The following PPP2R2B variants were observed in gnomAD, a reference collection of about 807,000 sequenced individuals.
The protein encoded by PPP2R2B is protein phosphatase 2 regulatory subunit Bbeta, also known as serine/threonine-protein phosphatase 2A 55 kDa regulatory subunit B beta isoform.
Under a neutral mutation model 46.0 loss-of-function variants are expected in PPP2R2B, and 5 were observed. The observed-to-expected ratio is 0.11, with a 90% confidence interval of 0.06 to 0.23. PPP2R2B has a LOEUF of 0.23. Among genes scored for constraint, PPP2R2B ranks in the 10% least tolerant of loss-of-function variants. The pLI, the probability that PPP2R2B is intolerant of heterozygous loss-of-function variation, is 1.00. For synonymous variants in PPP2R2B, 215 were observed against 206.7 expected (o/e 1.04, Z -0.34); for missense variants, 367 against 575.0 (o/e 0.64, Z 3.70).
At chr5:146,811,721 C>T (rs1470935699) in intron 2 of PPP2R2B, among the ~76,000 whole-genome samples, 4 of 149,160 alleles carry the variant, frequency 2.7e-5, no homozygotes, top group East Asian at 2.0e-4. Context: ...CCACCACGCC[C>T]GGCTAATTTT....
intron 1 of PPP2R2B, among the ~76,000 whole-genome samples, chr5:147,035,436 A>T (rs1755990773): frequency 6.6e-6 from 1 of 152,164 alleles, no homozygotes; most frequent in South Asian, 2.1e-4. Context: ...GTGGGGACAC[A>T]CAGCCAAACC....
At chr5:147,003,854 A>G (rs1000160410) in intron 1 of PPP2R2B, among the ~76,000 whole-genome samples, 2 of 152,130 alleles carry the variant, frequency 1.3e-5, no homozygotes, top group African/African-American at 4.8e-5. Flanking sequence ...TGGCTATGGG[A>G]GGCCTTAAGA....
intron 1 of PPP2R2B, among the ~76,000 whole-genome samples, chr5:146,946,514 G>A (rs1764487671): frequency 6.6e-6 from 1 of 152,140 alleles, no homozygotes; most frequent in Non-Finnish European, 1.5e-5. Flanking sequence ...CAGCATCTCT[G>A]ATGACTGTGG....
chr5:146,772,707 T>C (rs1754945631), intron 2 of PPP2R2B, among the ~76,000 whole-genome samples: 1 of 152,186 alleles, frequency 6.6e-6, no homozygotes, highest in African/African-American at 2.4e-5. Flanking sequence ...ATGTGTCCAT[T>C]TTCCTCAACT....
chr5:147,006,067 T>C (rs886558267), intron 1 of PPP2R2B, among the ~76,000 whole-genome samples: 5 of 152,150 alleles, frequency 3.3e-5, no homozygotes, highest in Non-Finnish European at 7.4e-5. Flanking sequence ...GATCTAAATC[T>C]TAATTAATTA....
chr5:146,846,592 C>A (rs149227399), intron 2 of PPP2R2B, among the ~76,000 whole-genome samples: 1 of 151,824 alleles, frequency 6.6e-6, no homozygotes, highest in African/African-American at 2.4e-5. Context: ...GCAGGAGAAT[C>A]GCTTGAACCT....
intron 1 of PPP2R2B, among the ~76,000 whole-genome samples, chr5:146,901,740 A>G (rs1239242329): frequency 6.6e-6 from 1 of 152,208 alleles, no homozygotes; most frequent in East Asian, 1.9e-4. Flanking sequence ...ACTTGGTTAG[A>G]GTGGTCAGGA....
intron 1 of PPP2R2B, chr5:146,917,729 A>C (rs1177186626): frequency 6.6e-6 from 1 of 152,196 alleles, no homozygotes; most frequent in Non-Finnish European, 1.5e-5. Context: ...TCTTTAGTTC[A>C]ATCTTATTTC....
chr5:146,882,129 T>C (rs2151423056), upstream of PPP2R2B, among the ~76,000 whole-genome samples: 1 of 151,910 alleles, frequency 6.6e-6, no homozygotes, highest in East Asian at 1.9e-4. Context: ...TACAAAAAAT[T>C]ACCCAGGCAT....
upstream of PPP2R2B, chr5:146,878,918 G>C: frequency 8.7e-7 from 1 of 1,145,264 alleles, no homozygotes; most frequent in South Asian, 1.8e-5. This position sits in a 1 kb window ranked among gnomAD's most constrained non-coding sequence, Gnocchi z 4.5. Flanking sequence ...CACCTGGGCA[G>C]CAAGCGACTA....
intron 2 of PPP2R2B, among the ~76,000 whole-genome samples, chr5:146,741,485 G>T (rs1011925611): frequency 6.6e-6 from 1 of 152,120 alleles, no homozygotes; most frequent in Non-Finnish European, 1.5e-5. Flanking sequence ...AACACTCCCG[G>T]TGTCCTTGTA....
intron 1 of PPP2R2B, among the ~76,000 whole-genome samples, chr5:147,004,848 C>T (rs1754361068): frequency 6.6e-6 from 1 of 152,150 alleles, no homozygotes; most frequent in South Asian, 2.1e-4. Flanking sequence ...GGGACAACCC[C>T]ACAACCAGTG....
intron 5 of PPP2R2B, among the ~76,000 whole-genome samples, chr5:146,680,935 T>C (rs375749867): frequency 6.6e-6 from 1 of 152,190 alleles, no homozygotes; most frequent in African/African-American, 2.4e-5. Flanking sequence ...CCCTTGTAAG[T>C]AGTTTTCTCC....
chr5:146,794,397 A>G (rs1190902987), intron 2 of PPP2R2B, among the ~76,000 whole-genome samples: 1 of 152,208 alleles, frequency 6.6e-6, no homozygotes, highest in East Asian at 1.9e-4. Context: ...TTGTCAGTGG[A>G]GACCCAAGCT....
intron 1 of PPP2R2B, among the ~76,000 whole-genome samples, chr5:146,912,820 G>GATTCATTC (rs199653364): frequency 6.6e-6 from 1 of 151,888 alleles, no homozygotes; most frequent in African/African-American, 2.4e-5. Context: ...TTCAACTTTT[G>GATTCATTC]ATTCATTCAT....
intron 7 of PPP2R2B, among the ~76,000 whole-genome samples, chr5:146,627,674 A>C (rs1217212059): frequency 6.6e-6 from 1 of 152,194 alleles, no homozygotes; most frequent in East Asian, 1.9e-4. Flanking sequence ...TTCAAATCTT[A>C]GGTCCTCCAC....
At chr5:146,992,309 T>C (rs1241330635) in intron 1 of PPP2R2B, among the ~76,000 whole-genome samples, 2 of 152,216 alleles carry the variant, frequency 1.3e-5, no homozygotes, top group East Asian at 1.9e-4. Flanking sequence ...ACTAGACAGC[T>C]ACTTTATTTC....
rs569140032 is a variant in PPP2R2B at position 146,638,427 on chromosome 5, G to A, written c.626-12C>T. 5.7e-6 allele frequency: 9 copies of A among 1,579,374 alleles called. No individual in the cohort carries two copies. The highest frequency in any genetic ancestry group is 7.8e-6 in the Non-Finnish European group (9 of 1,154,416). ...AATGTCCACAATATCTGGCACAGAC[G>A]AGTCAAGGAAGGAACCAGGAGAAGG... On this transcript the variant is annotated splice_polypyrimidine_tract_variant and intron_variant, in intron 6 of 9. Transcript: ENST00000394411.
intron 2 of PPP2R2B, among the ~76,000 whole-genome samples, chr5:146,795,448 T>C (rs1252997882): frequency 6.6e-6 from 1 of 152,084 alleles, no homozygotes; most frequent in African/African-American, 2.4e-5. Context: ...AAGACAATAC[T>C]GCATGATCTC....
Sources: gnomAD v4.1 joint callset for allele counts (sites outside exome capture counted in the v4.1 genomes callset) on GRCh38, gnomAD v4.1.1 for gene constraint, Gnocchi (gnomAD v3.1) non-coding constraint, MANE v1.5 for transcripts, NCBI Gene and HGNC (gene_info 2026-07-23, HGNC 2026-07-21) for gene names.